Variants in NPEPPS observed in about 807,000 individuals in gnomAD.
The protein encoded by NPEPPS is puromycin-sensitive aminopeptidase.
NPEPPS carries 14 observed loss-of-function variants against 115.5 expected under a neutral mutation model. The ratio of observed to expected loss-of-function variants is 0.12; its 90% confidence interval spans 0.08 to 0.19. The LOEUF is 0.19. Among genes scored for constraint, NPEPPS ranks in the 10% least tolerant of loss-of-function variants. NPEPPS has a pLI of 1.00. For missense variants in NPEPPS, 523 were observed against 1,110.8 expected (o/e 0.47, Z 7.52); for synonymous variants, 285 against 390.6 (o/e 0.73, Z 3.19).
chr17:47,571,500 C>T (rs1410739208), intron 3 of NPEPPS, among the ~76,000 whole-genome samples: 1 of 152,094 alleles, frequency 6.6e-6, no homozygotes, highest in Non-Finnish European at 1.5e-5. Context: ...GGGTGGATCA[C>T]GAGGTCAGGA....
At chr17:47,590,456 CA>C (rs59183684) in intron 9 of NPEPPS, among the ~76,000 whole-genome samples, 65,330 of 135,900 alleles carry the variant, frequency 0.48, 15,151 homozygotes, top group South Asian at 0.58. Context: ...GACTTTGTCT[CA>C]AAAAAAAAAA....
At chr17:47,560,770 G>C (rs1434876514) in intron 2 of NPEPPS, among the ~76,000 whole-genome samples, 2 of 152,150 alleles carry the variant, frequency 1.3e-5, no homozygotes, top group Non-Finnish European at 2.9e-5. Context: ...CACCTGAACT[G>C]CTTTCTAAAA....
chr17:47,565,524 AAAAG>A (rs1049763209), intron 2 of NPEPPS, among the ~76,000 whole-genome samples: 9 of 151,108 alleles, frequency 6.0e-5, no homozygotes, highest in Non-Finnish European at 1.0e-4. Flanking sequence ...AAAAAAAAAA[AAAAG>A]GTGATTCGAG....
intron 17 of NPEPPS, among the ~76,000 whole-genome samples, chr17:47,606,386 C>T (rs1028292798): frequency 6.6e-6 from 1 of 151,762 alleles, no homozygotes; most frequent in Non-Finnish European, 1.5e-5. Context: ...GTGGTGTTTC[C>T]TCCTGACCAG....
chr17:47,568,643 C>G (rs910056172), intron 2 of NPEPPS, among the ~76,000 whole-genome samples: 1 of 151,880 alleles, frequency 6.6e-6, no homozygotes. Flanking sequence ...TACCTGTTTT[C>G]ATGTAACAAC....
chr17:47,602,840 A>G (rs1913299042), intron 15 of NPEPPS, among the ~76,000 whole-genome samples: 1 of 151,802 alleles, frequency 6.6e-6, no homozygotes, highest in Non-Finnish European at 1.5e-5. Flanking sequence ...TTTAAAATAT[A>G]CTCACTGGAA....
chr17:47,566,714 C>T (rs1192643305), intron 2 of NPEPPS, among the ~76,000 whole-genome samples: 3 of 151,862 alleles, frequency 2.0e-5, no homozygotes, highest in Admixed American at 6.6e-5. Context: ...TGAGCCACTG[C>T]GCCCAGCCCA....
chr17:47,525,732 T>A, intron 1 of NPEPPS, among the ~76,000 whole-genome samples: 1 of 152,206 alleles, frequency 6.6e-6, no homozygotes, highest in Non-Finnish European at 1.5e-5. Flanking sequence ...GGGGCATACA[T>A]CTTGTACATA....
At chr17:47,610,317 CCTT>C (rs1240760423) in intron 17 of NPEPPS, among the ~76,000 whole-genome samples, 1 of 152,056 alleles carries the variant, frequency 6.6e-6, no homozygotes, top group Non-Finnish European at 1.5e-5. Context: ...TTTTATATCT[CCTT>C]CTTTCACTTA....
intron 17 of NPEPPS, 46 bp from the exon 18 acceptor site, chr17:47,612,414 A>G: frequency 6.3e-7 from 1 of 1,597,594 alleles, no homozygotes. Flanking sequence ...ACTTATAAAA[A>G]TAGGCTTTTT....
chr17:47,574,792 A>G (rs1210511218), intron 3 of NPEPPS, among the ~76,000 whole-genome samples: 1 of 151,990 alleles, frequency 6.6e-6, no homozygotes, highest in Non-Finnish European at 1.5e-5. Context: ...GGGTCTCGTT[A>G]TGTTGCCTAG....
intron 5 of NPEPPS, among the ~76,000 whole-genome samples, chr17:47,583,416 C>T (rs1887172713): frequency 6.6e-6 from 1 of 151,762 alleles, no homozygotes; most frequent in Non-Finnish European, 1.5e-5. Context: ...GAAAACCTGT[C>T]CTTACTAAAA....
intron 2 of NPEPPS, among the ~76,000 whole-genome samples, chr17:47,563,578 C>CT (rs954845089): frequency 4.8e-4 from 70 of 144,796 alleles, no homozygotes; most frequent in African/African-American, 1.2e-3. Flanking sequence ...AAAAGTGTTT[C>CT]TTTTTTTTTT....
chr17:47,606,253 G>A (rs537656114), intron 17 of NPEPPS, among the ~76,000 whole-genome samples: 31 of 152,134 alleles, frequency 2.0e-4, no homozygotes, highest in East Asian at 9.6e-4. Flanking sequence ...TTCTACATGT[G>A]TTCTCTGCTC....
intron 17 of NPEPPS, among the ~76,000 whole-genome samples, chr17:47,610,169 C>T (rs1409704832): frequency 6.9e-6 from 1 of 144,832 alleles, no homozygotes; most frequent in Non-Finnish European, 1.5e-5. Flanking sequence ...CTCAGCCCCA[C>T]CCCACCCCCC....
chr17:47,600,608 A>G (rs1215454322), intron 14 of NPEPPS, among the ~76,000 whole-genome samples: 5 of 152,200 alleles, frequency 3.3e-5, no homozygotes, highest in South Asian at 2.1e-4. Context: ...CAGTATCCCA[A>G]TATTGGAGAA....
At chr17:47,570,893 C>G (rs1471999794) in intron 3 of NPEPPS, among the ~76,000 whole-genome samples, 1 of 152,096 alleles carries the variant, frequency 6.6e-6, no homozygotes, top group East Asian at 1.9e-4. Context: ...GGCAGTATAT[C>G]AAGAGCCTAA....
chr17:47,612,964 TTTTTTTAAAAAGCCTGGAACA>T (rs1490584075), intron 18 of NPEPPS, among the ~76,000 whole-genome samples: 2 of 152,042 alleles, frequency 1.3e-5, no homozygotes, highest in South Asian at 4.2e-4. Flanking sequence ...TGCCTGTAAC[TTTTTTTAAAAAGCCTGGAACA>T]TTTTTTAATA....
At chr17:47,573,055 CG>C (rs1239616723) in intron 3 of NPEPPS, among the ~76,000 whole-genome samples, 1 of 152,136 alleles carries the variant, frequency 6.6e-6, no homozygotes, top group Non-Finnish European at 1.5e-5. Context: ...GGATTACAGG[CG>C]TGTGCCACTG....
Sources: gnomAD v4.1 joint callset for allele counts (sites outside exome capture counted in the v4.1 genomes callset) on GRCh38, gnomAD v4.1.1 for gene constraint, MANE v1.5 for transcripts, NCBI Gene and HGNC (gene_info 2026-07-23, HGNC 2026-07-21) for gene names.